Variants in PPAN observed in about 807,000 individuals in gnomAD.
PPAN encodes peter pan homolog, also known as suppressor of SWI4 1 homolog.
Under a neutral mutation model 48.5 loss-of-function variants are expected in PPAN, and 39 were observed. The ratio of observed to expected loss-of-function variants is 0.80; its 90% CI spans 0.62 to 1.05. The LOEUF (loss-of-function observed/expected upper bound fraction) is 1.05, where lower values mean the gene tolerates loss of function less well. Among genes scored for constraint, PPAN ranks in the 50% least tolerant of loss-of-function variants. The pLI is 0.00. For synonymous variants in PPAN, 315 were observed against 268.6 expected, an observed-to-expected ratio of 1.17 and a Z score of -1.69; for missense variants, 736 against 661.7, an observed-to-expected ratio of 1.11 and a Z score of -1.23.
rs981703589 is a variant in PPAN, at chr19:10,111,155, G to A, written c.1412G>A (p.Arg471Lys). 4 of 1,589,322 alleles carry A rather than the reference G, an allele frequency of 2.5e-6. No homozygotes were observed. The East Asian group carries it at 6.9e-5, about 27-fold the overall frequency. The change falls in exon 12 of 12, where the codon AGA becomes AAA. Residue 471 changes from arginine (R) to lysine (K), a missense_variant. By Grantham distance (26) the Arg-to-Lys change is conservative. Transcript: ENST00000253107. ...RGRGRGRPGK[R>K]VA The stretch of plus-strand genomic sequence containing the variant: ...CGGGGCCGGGGCCGCCCAGGGAAGA[G>A]AGTGGCCTGAGCCCAAGCCGCACCG...
At chr19:10,106,718 C>T (rs1457548984) in intron 2 of PPAN, 47 bp downstream of exon 2, 4 of 1,490,624 alleles carry the variant, frequency 2.7e-6, no homozygotes, top group South Asian at 1.3e-5. Context: ...TCGGCCTAGT[C>T]TTCGTAGCTG....
chr19:10,106,240 G>T (rs533306747), upstream of PPAN: 21 of 1,345,822 alleles, frequency 1.6e-5, no homozygotes, highest in Middle Eastern at 2.7e-4. Flanking sequence ...CATAGCAACC[G>T]CTCCATCTGA....
At chr19:10,107,360 C>T (rs901839403) in intron 2 of PPAN, 145 bp from the exon 3 acceptor site, 3 of 795,514 alleles carry the variant, frequency 3.8e-6, no homozygotes, top group Admixed American at 2.8e-5. Flanking sequence ...CCGACTGACT[C>T]TAAAGGCTAA....
intron 5 of PPAN, among the ~76,000 whole-genome samples, chr19:10,108,563 A>G (rs1458494219): frequency 2.0e-5 from 3 of 152,028 alleles, no homozygotes; most frequent in Non-Finnish European, 4.4e-5. Flanking sequence ...AGCCTGTGCA[A>G]CATAGCGAGA....
At position 10,111,663 on chromosome 19, in the gene PPAN, ACTGGGGGAGGGG is replaced by A; in HGVS notation, c.*505_*516del. On this transcript the variant is annotated 3_prime_UTR_variant, in exon 12 of 12. Coordinates refer to ENST00000253107, the MANE Select transcript of PPAN (RefSeq NM_020230.7). ...GGCAGGGCCCACTAAGCCACTGGTG[ACTGGGGGAGGGG>A]CTGGGGAACTGGGTAGCAGACACAG... is the stretch of plus-strand genomic sequence containing the variant. The A allele has an allele frequency of 6.2e-7, 1 of 1,610,924 alleles. No homozygotes were observed. Among genetic ancestry groups the A allele is most frequent in the Non-Finnish European group, 8.5e-7 (1 of 1,178,050 alleles).
chr19:10,109,782 C>G, intron 6 of PPAN, 75 bp downstream of exon 6: 1 of 1,589,362 alleles, frequency 6.3e-7, no homozygotes, highest in Non-Finnish European at 8.6e-7. Context: ...GACAGCACTT[C>G]TGCTGAGACG....
At chr19:10,106,709 C>T (rs1422904942) in intron 2 of PPAN, 38 bp downstream of exon 2, 2 of 1,500,900 alleles carry the variant, frequency 1.3e-6, no homozygotes, top group African/African-American at 1.4e-5. Context: ...CACCCACCCT[C>T]GGCCTAGTCT....
rs770552290 is a variant in PPAN, at chr19:10,110,267, A to AC, written c.822+26dup. 2 of 1,611,408 alleles carry AC rather than the reference A, an allele frequency of 1.2e-6. No individual in the cohort carries two copies. Among genetic ancestry groups the AC allele is most frequent in the African/African-American group, 2.7e-5 (2 of 74,786 alleles). On this transcript the variant is annotated intron_variant, in intron 8 of 11. Coordinates refer to ENST00000253107, the MANE Select transcript of PPAN (RefSeq NM_020230.7). The surrounding 1 kb of genome is among the most constrained non-coding windows in gnomAD (Gnocchi z 5.9). The stretch of plus-strand genomic sequence containing the variant: ...CCGAGGTGAGGCCCAGGGCAGGGGG[A>AC]CCCCCGGGCTCCACCAGTCCCAACG...
chr19:10,111,431 A>G lies in PPAN; in HGVS notation c.*266A>G. 1 of 627,146 alleles carries G rather than the reference A, an allele frequency of 1.6e-6. No homozygotes were observed. Among genetic ancestry groups the G allele is most frequent in the South Asian group, 2.0e-5 (1 of 50,616 alleles). The allele number at this position is 627,146 out of a possible 1,614,324, so 38.8% of individuals were successfully genotyped here. A position where few individuals can be genotyped will look rare whatever the true frequency, so the allele number is the denominator to read the frequency against. The stretch of plus-strand genomic sequence containing the variant: ...AAGCTGGGTCTCTCCCCTACCCTGC[A>G]CGGGGTTGGTTTCATTGGTGGCAGC... On this transcript the variant is annotated 3_prime_UTR_variant, in exon 12 of 12. Transcript: ENST00000253107.
Position 10,108,031 on chromosome 19 carries a change from A to G in PPAN, c.410A>G (p.His137Arg), listed in dbSNP as rs2088896025. The change falls in exon 5 of 12, where the codon CAC becomes CGC. Residue 137 changes from histidine to arginine, a missense_variant. His to Arg is a conservative substitution (Grantham distance 29). Coordinates refer to ENST00000253107, the MANE Select transcript of PPAN (RefSeq NM_020230.7). ...CGCATGCACGAGCAGCAGTTTGCCC[A>G]CCCACCCCTCCTGGTACTCAACAGC... Reference protein sequence around the residue: ...RHRMHEQQFAHPPLLVLNSFG... With the variant: ...RHRMHEQQFARPPLLVLNSFG... The G allele has an allele frequency of 6.2e-7, 1 of 1,613,498 alleles. No individual in the cohort carries two copies. The highest frequency in any genetic ancestry group is 8.5e-7 in the Non-Finnish European group (1 of 1,179,820).
At position 10,106,497 on chromosome 19, in the gene PPAN, G is replaced by A. The variant is rs866508542; in HGVS notation, c.19-4G>A. Reference sequence around the variant, plus strand: ...CGCTGACCCTTTGTCTCTCGTCGCCGCAGTCCCGGCACCAGAAGCGCGCCC... The same window carrying A: ...CGCTGACCCTTTGTCTCTCGTCGCCACAGTCCCGGCACCAGAAGCGCGCCC... On this transcript the variant is annotated splice_region_variant and splice_polypyrimidine_tract_variant and intron_variant, in intron 1 of 11. Transcript: ENST00000253107. The A allele has an allele frequency of 3.9e-6, 6 of 1,549,996 alleles. No homozygotes were observed. The highest frequency in any genetic ancestry group is 2.0e-5 in the Admixed American group (1 of 51,046).
chr19:10,107,637 C>T (rs751313748), intron 3 of PPAN, 31 bp downstream of exon 3: 1 of 1,611,716 alleles, frequency 6.2e-7, no homozygotes, highest in Non-Finnish European at 8.5e-7. Flanking sequence ...TTCATCTCCC[C>T]CAGACCCCCC....
chr19:10,109,901 A>G lies in PPAN; in HGVS notation c.591-12A>G. The stretch of plus-strand genomic sequence containing the variant: ...CTGACCACCCCCTTGCCGTCCACTC[A>G]TGTTCCTGCAGTAGCATCAAAGTTG... On this transcript the variant is annotated splice_polypyrimidine_tract_variant and intron_variant, in intron 6 of 11. Coordinates refer to ENST00000253107, the MANE Select transcript of PPAN (RefSeq NM_020230.7). The G allele has an allele frequency of 1.9e-6, 3 of 1,613,736 alleles. No individual in the cohort carries two copies. Among genetic ancestry groups the G allele is most frequent in the Middle Eastern group, 1.6e-4 (1 of 6,062 alleles).
chr19:10,106,344 C>A (rs556089220), upstream of PPAN: 35 of 1,548,324 alleles, frequency 2.3e-5, no homozygotes, highest in South Asian at 3.9e-4. Context: ...AAGTGAGCTG[C>A]GCAGCGCCGG....
chr19:10,111,218 G>T lies in PPAN; in HGVS notation c.*53G>T. 1 of 1,462,912 alleles carries T rather than the reference G, an allele frequency of 6.8e-7. No homozygotes were observed. Among genetic ancestry groups the T allele is most frequent in the East Asian group, 2.5e-5 (1 of 40,532 alleles). The allele number at this position is 1,462,912 out of a possible 1,614,324, so 90.6% of individuals were successfully genotyped here. ...GATTGAACGCCCCAGATTGGGGCCC[G>T]AGATGTGGCCCTCGGTTTCCTTTCA... On this transcript the variant is annotated 3_prime_UTR_variant, in exon 12 of 12. Coordinates refer to ENST00000253107, the MANE Select transcript of PPAN (RefSeq NM_020230.7).
chr19:10,106,345 G>A (rs1352844156), upstream of PPAN: 6 of 1,548,512 alleles, frequency 3.9e-6, no homozygotes, highest in African/African-American at 6.9e-5. Context: ...AGTGAGCTGC[G>A]CAGCGCCGGA....
chr19:10,111,322 G>A lies in PPAN; in HGVS notation c.*157G>A. The A allele has an allele frequency of 1.0e-6, 1 of 954,142 alleles. No homozygotes were observed. The highest frequency in any genetic ancestry group is 1.5e-6 in the Non-Finnish European group (1 of 661,530). 59.1% of individuals were successfully genotyped at this position (954,142 alleles called of 1,614,324 possible). On this transcript the variant is annotated 3_prime_UTR_variant, in exon 12 of 12. Transcript: ENST00000253107. The stretch of plus-strand genomic sequence containing the variant: ...GGGGTCCACGTCAGCGTTTGGGATG[G>A]GGGATTCTGGAGCCATACAAAGCAA...
rs1439789304 is a variant in PPAN, at chr19:10,110,571, G to T, written c.988G>T (p.Ala330Ser). ...RLKAQRQAQQAQNVQRKQEQR... is the reference protein window; with the variant it reads ...RLKAQRQAQQSQNVQRKQEQR... ...GAAGGCGCAGAGGCAGGCCCAGCAG[G>T]CCCAGAATGTGCAGCGCAAGCAGGA... The change falls in exon 10 of 12, where the codon GCC becomes TCC. Residue 330 changes from alanine (A) to serine (S), a missense_variant. Ala to Ser is a moderately conservative substitution (Grantham distance 99). Coordinates refer to ENST00000253107, the MANE Select transcript of PPAN (RefSeq NM_020230.7). The surrounding 1 kb of genome is among the most constrained non-coding windows in gnomAD (Gnocchi z 5.9). The T allele has an allele frequency of 3.1e-6, 5 of 1,604,946 alleles. No individual in the cohort carries two copies. The highest frequency in any genetic ancestry group is 4.2e-6 in the Non-Finnish European group (5 of 1,176,672).
rs777067122 is a variant in PPAN, at chr19:10,111,069, G to A, written c.1326G>A (p.Lys442=). The change falls in exon 12 of 12, where the codon AAG becomes AAA. Residue 442 remains lysine, a synonymous_variant. Coordinates refer to ENST00000253107, the MANE Select transcript of PPAN (RefSeq NM_020230.7). ...AGAAGTTTCCCAAGACCAAGGACAA[G>A]TCCCAGGGAGCCCAGGCCAGGCGGG... The part of the protein sequence containing the change: ...CDQKFPKTKD[K]SQGAQARRGP... 1 of 1,613,562 alleles carries A rather than the reference G, an allele frequency of 6.2e-7. No individual in the cohort carries two copies. The highest frequency in any genetic ancestry group is 8.5e-7 in the Non-Finnish European group (1 of 1,179,950).
Sources: gnomAD v4.1 joint callset for allele counts (sites outside exome capture counted in the v4.1 genomes callset) on GRCh38, gnomAD v4.1.1 for gene constraint, Gnocchi (gnomAD v3.1) non-coding constraint, MANE v1.5 for transcripts, NCBI Gene and HGNC (gene_info 2026-07-23, HGNC 2026-07-21) for gene names.